The following TLK1 variants were observed in gnomAD, a reference collection of about 807,000 sequenced individuals.
TLK1 encodes the protein serine/threonine-protein kinase tousled-like 1.
A neutral mutation model predicts 105.3 loss-of-function variants in TLK1; 24 were observed. The observed-to-expected ratio is 0.23, with a 90% confidence interval of 0.17 to 0.32. The LOEUF (loss-of-function observed/expected upper bound fraction) is 0.32, where lower values mean the gene tolerates loss of function less well. TLK1 is among the 10% of genes least tolerant of loss of function. TLK1 has a pLI of 1.00. For missense variants in TLK1, 558 were observed against 910.5 expected (o/e 0.61, Z 4.98); for synonymous variants, 321 against 310.4 (o/e 1.03, Z -0.36).
chr2:171,019,077 A>C (rs190707467), intron 12 of TLK1, among the ~76,000 whole-genome samples: 2 of 152,266 alleles, frequency 1.3e-5, no homozygotes, highest in East Asian at 3.9e-4. Flanking sequence ...CTCATTGTTT[A>C]AGTAACTTGC....
chr2:171,185,102 G>A (rs1391816483), intron 1 of TLK1, among the ~76,000 whole-genome samples: 1 of 152,156 alleles, frequency 6.6e-6, no homozygotes, highest in African/African-American at 2.4e-5. Context: ...GCCTCCCAAA[G>A]TGCTGGGATT....
intron 1 of TLK1, among the ~76,000 whole-genome samples, chr2:171,132,988 AC>A (rs1301243906): frequency 2.0e-5 from 3 of 152,230 alleles, no homozygotes; most frequent in Non-Finnish European, 4.4e-5. Flanking sequence ...GATTAACACA[AC>A]ACTAAATATG....
Position 171,049,878 on chromosome 2 carries a change from C to G in TLK1, c.916G>C (p.Val306Leu), listed in dbSNP as rs1687150570. 6.2e-7 allele frequency: 1 copy of G among 1,613,926 alleles called. No homozygotes were observed. The highest frequency in any genetic ancestry group is 8.5e-7 in the Non-Finnish European group (1 of 1,179,972). The change falls in exon 10 of 21, where the codon GTT becomes CTT. Residue 306 changes from valine (V) to leucine (L), a missense_variant. Physicochemically the swap from Val to Leu is conservative, Grantham distance 32 (BLOSUM62 1). Coordinates refer to ENST00000431350, the MANE Select transcript of TLK1 (RefSeq NM_012290.5). Reference protein sequence around the residue: ...DRLRLGHFTTVRHGASFTEQW... With the variant: ...DRLRLGHFTTLRHGASFTEQW... Reference sequence around the variant, plus strand: ...TCAGTAAATGAAGCGCCATGTCTAACTGTTGTAAAGTGCCCGAGGCGTAAT... The same window carrying G: ...TCAGTAAATGAAGCGCCATGTCTAAGTGTTGTAAAGTGCCCGAGGCGTAAT...
intron 1 of TLK1, among the ~76,000 whole-genome samples, chr2:171,182,765 A>T (rs938235498): frequency 5.9e-5 from 9 of 151,830 alleles, no homozygotes; most frequent in South Asian, 2.1e-4. Context: ...ACAAAAAATT[A>T]AAAAATTAGC....
At chr2:171,219,414 C>T (rs902657040) in intron 1 of TLK1, among the ~76,000 whole-genome samples, 1 of 152,120 alleles carries the variant, frequency 6.6e-6, no homozygotes, top group African/African-American at 2.4e-5. Flanking sequence ...TAACAAAATA[C>T]CATAGGCTGG....
intron 1 of TLK1, among the ~76,000 whole-genome samples, chr2:171,176,695 C>T (rs1021695106): frequency 1.3e-5 from 2 of 152,196 alleles, no homozygotes; most frequent in Admixed American, 1.3e-4. Flanking sequence ...TCATAGTCTC[C>T]CTGCTTCCAC....
At position 171,160,639 on chromosome 2, in the gene TLK1, G is replaced by C; in HGVS notation, c.-211C>G. The C allele has an allele frequency of 1.4e-6, 1 of 698,400 alleles. No homozygotes were observed. The highest frequency in any genetic ancestry group is 2.3e-5 in the South Asian group (1 of 44,062). The allele number at this position is 698,400 out of a possible 1,614,324, so 43.3% of individuals were successfully genotyped here. A position where few individuals can be genotyped will look rare whatever the true frequency, so the allele number is the denominator to read the frequency against. ...GGAAGGAGAGGGGACAGGGAGGAGG[G>C]AAAGGGGGAGAAGCGAGGGAGCGAG... On this transcript the variant is annotated 5_prime_UTR_variant, in exon 1 of 21. Transcript: ENST00000431350. This position sits in a 1 kb window ranked among gnomAD's most constrained non-coding sequence, Gnocchi z 4.4.
intron 10 of TLK1, among the ~76,000 whole-genome samples, chr2:171,047,589 G>C (rs1347136733): frequency 1.3e-5 from 2 of 152,158 alleles, no homozygotes; most frequent in East Asian, 3.8e-4. Context: ...AGCAAAGTGA[G>C]AACAAGACTT....
At chr2:171,168,108 T>A (rs1692643180) in intron 1 of TLK1, among the ~76,000 whole-genome samples, 1 of 152,052 alleles carries the variant, frequency 6.6e-6, no homozygotes, top group African/African-American at 2.4e-5. Flanking sequence ...GCAGCATAAA[T>A]TTTTTTGTAG....
chr2:170,991,577 T>G lies in TLK1; in HGVS notation c.*2203A>C, dbSNP rs1236043665. 1 of 152,230 alleles carries G rather than the reference T, an allele frequency of 6.6e-6. No homozygotes were observed. Among genetic ancestry groups the G allele is most frequent in the East Asian group, 1.9e-4 (1 of 5,198 alleles). 9.4% of individuals were successfully genotyped at this position (152,230 alleles called of 1,614,324 possible). On this transcript the variant is annotated 3_prime_UTR_variant, in exon 21 of 21. Coordinates refer to ENST00000431350, the MANE Select transcript of TLK1 (RefSeq NM_012290.5). ...CCCAGGTCAGGAAAGCAACTTCATT[T>G]CATGGCTTGTTTTTCCCCTTTTCTG...
At chr2:171,080,030 TAAA>T (rs75294654) in intron 3 of TLK1, among the ~76,000 whole-genome samples, 4 of 152,012 alleles carry the variant, frequency 2.6e-5, no homozygotes, top group African/African-American at 9.6e-5. Flanking sequence ...CAATTTTTTT[TAAA>T]AAAAAAGTAA....
At chr2:171,091,339 C>T (rs928991955) in intron 2 of TLK1, among the ~76,000 whole-genome samples, 4 of 152,076 alleles carry the variant, frequency 2.6e-5, no homozygotes, top group Non-Finnish European at 5.9e-5. Flanking sequence ...CCCCATCTAA[C>T]CAGACATAAT....
chr2:171,167,215 A>C (rs535602649), intron 1 of TLK1, among the ~76,000 whole-genome samples: 1 of 152,316 alleles, frequency 6.6e-6, no homozygotes, highest in East Asian at 1.9e-4. Flanking sequence ...TATATATTAG[A>C]TCTACTCTTA....
intron 12 of TLK1, among the ~76,000 whole-genome samples, chr2:171,027,340 C>G (rs1685821172): frequency 6.6e-6 from 1 of 152,086 alleles, no homozygotes; most frequent in Admixed American, 6.5e-5. Context: ...TTATGTCTGT[C>G]AGTAACTTAA....
chr2:171,081,292 T>A (rs1688741721), intron 3 of TLK1, among the ~76,000 whole-genome samples: 1 of 152,222 alleles, frequency 6.6e-6, no homozygotes, highest in African/African-American at 2.4e-5. Context: ...TGTATAACTG[T>A]GATAAGTGAT....
At chr2:171,079,377 A>C (rs1005763153) in intron 3 of TLK1, among the ~76,000 whole-genome samples, 1 of 152,226 alleles carries the variant, frequency 6.6e-6, no homozygotes, top group African/African-American at 2.4e-5. Context: ...TATCTGTTAC[A>C]GCACAGCCTA....
At chr2:170,994,713 CTGGG>C (rs750984709) in intron 20 of TLK1, 3 of 517,536 alleles carry the variant, frequency 5.8e-6, no homozygotes, top group South Asian at 4.2e-5. Context: ...CCAGTCGAAC[CTGGG>C]TTAACCTTTA....
intron 1 of TLK1, among the ~76,000 whole-genome samples, chr2:171,156,547 C>T (rs996888877): frequency 6.6e-6 from 1 of 152,220 alleles, no homozygotes; most frequent in Non-Finnish European, 1.5e-5. Flanking sequence ...TTTCAAACCT[C>T]CGTTCTGGTT....
chr2:171,111,990 G>C (rs916764573), intron 2 of TLK1, among the ~76,000 whole-genome samples: 1 of 152,060 alleles, frequency 6.6e-6, no homozygotes, highest in African/African-American at 2.4e-5. Context: ...CTTGCTCTGT[G>C]GCCCAGGCTG....
Sources: gnomAD v4.1 joint callset for allele counts (sites outside exome capture counted in the v4.1 genomes callset) on GRCh38, gnomAD v4.1.1 for gene constraint, Gnocchi (gnomAD v3.1) non-coding constraint, MANE v1.5 for transcripts, NCBI Gene and HGNC (gene_info 2026-07-23, HGNC 2026-07-21) for gene names.